Variants in SERPINB5 observed in about 807,000 individuals in gnomAD.
SERPINB5 encodes serpin family B member 5.
SERPINB5 carries 27 observed loss-of-function variants against 32.2 expected under a neutral mutation model. The ratio of observed to expected loss-of-function variants is 0.84; its 90% confidence interval spans 0.62 to 1.16. SERPINB5 has a LOEUF of 1.16. SERPINB5 is among the 50% of genes most tolerant of loss of function. SERPINB5 has a pLI of 0.00. For synonymous variants in SERPINB5, 154 were observed against 157.4 expected (o/e 0.98, Z 0.16); for missense variants, 388 against 436.3 (o/e 0.89, Z 0.99).
chr18:63,486,923 G>A, intron 2 of SERPINB5, 23 bp from the exon 3 acceptor site: 1 of 1,612,048 alleles, frequency 6.2e-7, no homozygotes, highest in East Asian at 2.2e-5. Context: ...TGCTTTTTGG[G>A]TAACGGATTT....
At chr18:63,477,815 T>A (rs574828260) in intron 1 of SERPINB5, among the ~76,000 whole-genome samples, 5 of 152,300 alleles carry the variant, frequency 3.3e-5, no homozygotes, top group African/African-American at 1.2e-4. Flanking sequence ...TGTAACCAGA[T>A]CCTCAGAGCT....
rs750355785 is a variant in SERPINB5 at position 63,499,205 on chromosome 18, A to C, written c.653A>C (p.Glu218Ala). 6.2e-7 allele frequency: 1 copy of C among 1,602,360 alleles called. No homozygotes were observed. Among genetic ancestry groups the C allele is most frequent in the South Asian group, 1.1e-5 (1 of 89,054 alleles). The change falls in exon 6 of 7, where the codon GAG becomes GCG. Residue 218 changes from glutamate to alanine, a missense_variant. By Grantham distance (107) the Glu-to-Ala change is moderately radical. Coordinates refer to ENST00000382771, the MANE Select transcript of SERPINB5 (RefSeq NM_002639.5). ...NIDSINCKIIELPFQNKHLSM... is the reference protein window; with the variant it reads ...NIDSINCKIIALPFQNKHLSM... The stretch of plus-strand genomic sequence containing the variant: ...GACAGTATCAATTGTAAGATCATAG[A>C]GCTTCCTTTTCAAAATAAGCATCTC...
rs932624488 is a variant in SERPINB5, at chr18:63,503,846, C to T, written c.*124C>T. ...CTAATGTTGCTGGATCAGGAAGCCG[C>T]CAGTACTTGTCATATGTAGCCTTCA... is the stretch of plus-strand genomic sequence containing the variant. On this transcript the variant is annotated 3_prime_UTR_variant, in exon 7 of 7. Transcript: ENST00000382771. The T allele has an allele frequency of 3.0e-6, 3 of 987,200 alleles. No homozygotes were observed. In the African/African-American group the frequency reaches 4.9e-5, roughly 16 times the overall value. The allele number at this position is 987,200 out of a possible 1,614,324, so 61.2% of individuals were successfully genotyped here.
At chr18:63,479,495 C>T (rs922709524) in intron 1 of SERPINB5, among the ~76,000 whole-genome samples, 5 of 152,186 alleles carry the variant, frequency 3.3e-5, no homozygotes, top group Admixed American at 6.5e-5. Flanking sequence ...CCCTGTCCCA[C>T]GTTTTTGCAA....
intron 1 of SERPINB5, among the ~76,000 whole-genome samples, chr18:63,481,519 G>A (rs367700207): frequency 6.6e-6 from 1 of 152,234 alleles, no homozygotes; most frequent in Admixed American, 6.5e-5. Context: ...TTATCAGTGC[G>A]ATTAGCTCTC....
intron 5 of SERPINB5, among the ~76,000 whole-genome samples, chr18:63,497,662 T>C (rs1909480223): frequency 6.6e-6 from 1 of 152,336 alleles, no homozygotes; most frequent in South Asian, 2.1e-4. Flanking sequence ...CGAACACCCA[T>C]ATACCGATCA....
At position 63,503,376 on chromosome 18, in the gene SERPINB5, C is replaced by G. The variant is rs780437142; in HGVS notation, c.782C>G (p.Pro261Arg). The change falls in exon 7 of 7, where the codon CCC (proline) becomes CGC (arginine). Residue 261 changes from proline to arginine, a missense_variant. Pro to Arg is a moderately radical substitution (Grantham distance 103). Transcript: ENST00000382771. ...GAGTCACTGTCACAGTGGACTAATC[C>G]CAGCACCATGGCCAATGCCAAGGTC... Reference protein sequence around the residue: ...NSESLSQWTNPSTMANAKVKL... With the variant: ...NSESLSQWTNRSTMANAKVKL... 1.2e-6 allele frequency: 2 copies of G among 1,614,178 alleles called. No homozygotes were observed. The highest frequency in any genetic ancestry group is 1.7e-6 in the Non-Finnish European group (2 of 1,180,014).
Position 63,499,519 on chromosome 18 carries a change from A to G in SERPINB5, c.735+232A>G, listed in dbSNP as rs78930224. On this transcript the variant is annotated intron_variant, in intron 6 of 6. Transcript: ENST00000382771. ...TTCTAGGGACTGTGCTAAGTTGCCT[A>G]CGTGCATTATCTCATTTAATTCTTA... Among the ~76,000 whole-genome samples the G allele has an allele frequency of 5.2e-3, 790 of 152,332 alleles. 5 individuals are homozygous for G. The highest frequency in any genetic ancestry group is 0.018 in the African/African-American group (732 of 41,582).
At chr18:63,485,606 A>C (rs1287605514) in intron 2 of SERPINB5, 2 of 152,212 alleles carry the variant, frequency 1.3e-5, no homozygotes, top group Admixed American at 1.3e-4. Context: ...ATCCCTACCC[A>C]ATCTCCCATT....
At chr18:63,494,321 CAAAAAAAA>C (rs372412366) in intron 5 of SERPINB5, among the ~76,000 whole-genome samples, 1 of 46,688 alleles carries the variant, frequency 2.1e-5, no homozygotes, top group African/African-American at 8.0e-5. Flanking sequence ...GACTCCATCT[CAAAAAAAA>C]AAAAAAAAAA....
intron 1 of SERPINB5, among the ~76,000 whole-genome samples, chr18:63,482,844 T>C (rs1316867301): frequency 6.7e-6 from 1 of 150,364 alleles, no homozygotes; most frequent in Non-Finnish European, 1.5e-5. Context: ...AATAATTAAA[T>C]ACTAATATGA....
chr18:63,479,123 G>A (rs558913102), intron 1 of SERPINB5, among the ~76,000 whole-genome samples: 13 of 152,268 alleles, frequency 8.5e-5, no homozygotes, highest in African/African-American at 3.1e-4. Context: ...ATGCACGCCC[G>A]TGATGTGTGG....
At chr18:63,486,034 G>A (rs1453435980) in intron 2 of SERPINB5, 1 of 151,476 alleles carries the variant, frequency 6.6e-6, no homozygotes, top group East Asian at 1.9e-4. Context: ...AAAATACAAT[G>A]ATTTAAGCCC....
At chr18:63,503,234 G>A (rs1840557) in intron 6 of SERPINB5, 96 bp from the exon 7 acceptor site, 825,572 of 1,368,918 alleles carry the variant, frequency 0.6, 255,188 homozygotes, top group Non-Finnish European at 0.64. Context: ...CTGCTTTGAA[G>A]CTGGGCTTAT....
intron 6 of SERPINB5, among the ~76,000 whole-genome samples, chr18:63,500,455 G>A (rs914564055): frequency 9.2e-5 from 14 of 151,996 alleles, no homozygotes; most frequent in African/African-American, 3.4e-4. Context: ...GAATTATGCA[G>A]ATACTATTTT....
intron 4 of SERPINB5, among the ~76,000 whole-genome samples, chr18:63,492,077 T>C (rs1366437966): frequency 6.6e-6 from 1 of 152,162 alleles, no homozygotes; most frequent in Non-Finnish European, 1.5e-5. Flanking sequence ...CCCTGAACAT[T>C]GGTCTGAAAA....
At chr18:63,499,354 T>C in intron 6 of SERPINB5, 67 bp downstream of exon 6, 1 of 1,370,024 alleles carries the variant, frequency 7.3e-7, no homozygotes, top group Non-Finnish European at 9.6e-7. Context: ...TGCCAACAGG[T>C]CTGTGTGGGC....
At chr18:63,482,108 CTG>C (rs1416359645) in intron 1 of SERPINB5, among the ~76,000 whole-genome samples, 1 of 152,276 alleles carries the variant, frequency 6.6e-6, no homozygotes, top group African/African-American at 2.4e-5. Context: ...TTTTCAGACT[CTG>C]AGATATAATC....
chr18:63,500,114 C>G (rs912602736), intron 6 of SERPINB5, among the ~76,000 whole-genome samples: 12 of 151,950 alleles, frequency 7.9e-5, no homozygotes, highest in Non-Finnish European at 4.4e-5. Context: ...CCTGGGCAGG[C>G]TGGAGTGCAG....
Sources: allele counts gnomAD v4.1 joint callset (sites outside exome capture counted in the v4.1 genomes callset), GRCh38; gene constraint gnomAD v4.1.1; transcripts MANE v1.5; gene names NCBI Gene and HGNC (gene_info 2026-07-23, HGNC 2026-07-21).